Variants in PCBP3 observed in about 807,000 individuals in gnomAD.
The protein encoded by PCBP3 is poly(rC)-binding protein 3.
Under a neutral mutation model 52.7 loss-of-function variants are expected in PCBP3, and 25 were observed. The observed-to-expected ratio is 0.47, with a 90% CI of 0.35 to 0.66. The LOEUF is 0.66. PCBP3 is among the 30% of genes least tolerant of loss of function. The probability of loss-of-function intolerance (pLI) is 0.01; values close to 1 mark genes in which losing one functional copy is unlikely to be tolerated. For synonymous variants in PCBP3, 162 were observed against 183.0 expected, an observed-to-expected ratio of 0.89 and a Z score of 0.93; for missense variants, 391 against 490.3, an observed-to-expected ratio of 0.80 and a Z score of 1.91.
rs957204115 is a variant in PCBP3, at chr21:45,896,375, G to T, written c.165+13G>T. The T allele has an allele frequency of 6.4e-7, 1 of 1,551,064 alleles. No individual in the cohort carries two copies. The highest frequency in any genetic ancestry group is 8.7e-7 in the Non-Finnish European group (1 of 1,146,540). On this transcript the variant is annotated intron_variant, in intron 6 of 17. Coordinates refer to ENST00000681687, the MANE Select transcript of PCBP3 (RefSeq NM_001384156.1). ...GATGCATGGAAAGGTAAGAGGAGCC[G>T]CCATTGTCTCTGTAGGAAAGGCGGC...
intron 4 of PCBP3, among the ~76,000 whole-genome samples, chr21:45,796,085 A>G (rs1203127438): frequency 1.3e-5 from 2 of 152,206 alleles, no homozygotes; most frequent in Non-Finnish European, 2.9e-5. Context: ...CTCTCACACC[A>G]CCTGACGATC....
At chr21:45,924,311 C>T (rs143085035) in intron 13 of PCBP3, among the ~76,000 whole-genome samples, 20 of 46,358 alleles carry the variant, frequency 4.3e-4, no homozygotes, top group East Asian at 2.2e-3. Context: ...GGAACAGTCG[C>T]GTGGGTAGAA....
At chr21:45,855,925 C>T (rs914298994) in intron 5 of PCBP3, among the ~76,000 whole-genome samples, 4 of 152,346 alleles carry the variant, frequency 2.6e-5, no homozygotes, top group South Asian at 4.1e-4. Context: ...CCGTACAAAC[C>T]GTAACATCTC....
chr21:45,884,052 G>A (rs1203003916), intron 5 of PCBP3, among the ~76,000 whole-genome samples: 3 of 151,954 alleles, frequency 2.0e-5, no homozygotes, highest in Non-Finnish European at 4.4e-5. Context: ...CCCCACCCCA[G>A]CCTCTCAAGC....
intron 2 of PCBP3, among the ~76,000 whole-genome samples, chr21:45,677,922 C>T (rs2081569507): frequency 6.6e-6 from 1 of 152,228 alleles, no homozygotes; most frequent in African/African-American, 2.4e-5. Context: ...TGCACCCGGT[C>T]ACCCAAGAGC....
intron 4 of PCBP3, among the ~76,000 whole-genome samples, chr21:45,810,218 C>CTGTGTGTGTG (rs149677854): frequency 0.099 from 14,675 of 148,008 alleles, 831 homozygotes; most frequent in South Asian, 0.17. Context: ...TGATTCGATT[C>CTGTGTGTGTG]TGTGTGTGTG....
intron 5 of PCBP3, among the ~76,000 whole-genome samples, chr21:45,895,788 G>T (rs1014533073): frequency 6.6e-6 from 1 of 152,260 alleles, no homozygotes; most frequent in African/African-American, 2.4e-5. Flanking sequence ...GGGGACTCTG[G>T]CACCCCGTGA....
intron 3 of PCBP3, among the ~76,000 whole-genome samples, chr21:45,746,666 C>T (rs1162621250): frequency 4.8e-5 from 4 of 83,318 alleles, no homozygotes. Context: ...TGACGTAGCG[C>T]CACATGGTGG....
chr21:45,842,277 T>C (rs988495407), intron 4 of PCBP3, among the ~76,000 whole-genome samples: 1 of 152,254 alleles, frequency 6.6e-6, no homozygotes, highest in African/African-American at 2.4e-5. Context: ...ATTTGGAGTT[T>C]CTCCATTTGC....
intron 4 of PCBP3, among the ~76,000 whole-genome samples, chr21:45,822,298 T>C (rs1346032948): frequency 6.6e-6 from 1 of 152,202 alleles, no homozygotes; most frequent in Non-Finnish European, 1.5e-5. Context: ...TCCATTTCTT[T>C]AGCTCCTCTT....
rs553775007 is a variant in PCBP3 at position 45,898,867 on chromosome 21, C to G, written c.166-732C>G. ...GGCCTCCCTCTCTCTCCACGGGCCC[C>G]TCTGCACGCCGTCCTCACAGCCTTC... On this transcript the variant is annotated intron_variant, in intron 6 of 17. Coordinates refer to ENST00000681687, the MANE Select transcript of PCBP3 (RefSeq NM_001384156.1). Among the ~76,000 whole-genome samples, 226 of 149,954 alleles carry G rather than the reference C, an allele frequency of 1.5e-3. 1 individual carries two copies. Among genetic ancestry groups the G allele is most frequent in the Non-Finnish European group, 2.6e-3 (176 of 67,474 alleles).
intron 15 of PCBP3, among the ~76,000 whole-genome samples, chr21:45,931,661 C>T (rs1268852015): frequency 2.0e-5 from 3 of 151,924 alleles, no homozygotes; most frequent in African/African-American, 4.8e-5. Context: ...GTGAACACGT[C>T]GGCCATGCCG....
At chr21:45,801,158 G>T (rs570874666) in intron 4 of PCBP3, among the ~76,000 whole-genome samples, 1 of 152,246 alleles carries the variant, frequency 6.6e-6, no homozygotes, top group South Asian at 2.1e-4. Context: ...CTGCCACTGC[G>T]TCCTGTGGGA....
intron 1 of PCBP3, among the ~76,000 whole-genome samples, chr21:45,657,145 A>G (rs992472203): frequency 5.9e-5 from 9 of 152,144 alleles, no homozygotes; most frequent in Non-Finnish European, 1.0e-4. Context: ...GTATCCTTTG[A>G]TGCACAAATG....
intron 2 of PCBP3, among the ~76,000 whole-genome samples, chr21:45,722,079 A>G (rs1451643218): frequency 1.3e-5 from 2 of 152,246 alleles, no homozygotes; most frequent in African/African-American, 2.4e-5. Flanking sequence ...AGTAATTTAA[A>G]TAATTAACAA....
At chr21:45,868,578 C>CG (rs914781466) in intron 5 of PCBP3, among the ~76,000 whole-genome samples, 1 of 152,190 alleles carries the variant, frequency 6.6e-6, no homozygotes, top group Non-Finnish European at 1.5e-5. Flanking sequence ...ACGTGGGTCT[C>CG]GGGGTCCCCA....
intron 2 of PCBP3, among the ~76,000 whole-genome samples, chr21:45,686,713 A>T (rs1436609754): frequency 6.6e-6 from 1 of 152,206 alleles, no homozygotes; most frequent in Non-Finnish European, 1.5e-5. Context: ...AAGATATATA[A>T]AAAAGAGTCA....
chr21:45,734,177 G>A (rs929585739), intron 2 of PCBP3, among the ~76,000 whole-genome samples: 1 of 152,238 alleles, frequency 6.6e-6, no homozygotes, highest in African/African-American at 2.4e-5. Context: ...TGCTGCCAGT[G>A]CAGTCATTTG....
chr21:45,822,834 C>A (rs532365948), intron 4 of PCBP3, among the ~76,000 whole-genome samples: 1 of 152,284 alleles, frequency 6.6e-6, no homozygotes, highest in Non-Finnish European at 1.5e-5. Flanking sequence ...TTCAGGCTAT[C>A]CCTCTGCTGG....
Sources: allele counts gnomAD v4.1 joint callset (sites outside exome capture counted in the v4.1 genomes callset), GRCh38; gene constraint gnomAD v4.1.1; transcripts MANE v1.5; gene names NCBI Gene and HGNC (gene_info 2026-07-23, HGNC 2026-07-21).